Variants in BRINP3 observed in about 807,000 individuals in gnomAD.
BRINP3 encodes the protein BMP/retinoic acid-inducible neural-specific protein 3.
In BRINP3, 19 loss-of-function variants were observed where a neutral mutation model predicts 71.0. That is an observed-to-expected ratio of 0.27 (90% confidence interval 0.19 to 0.39). The LOEUF (loss-of-function observed/expected upper bound fraction) is 0.39, where lower values mean the gene tolerates loss of function less well. BRINP3 is among the 10% of genes least tolerant of loss of function. The pLI is 1.00. For missense variants in BRINP3, 959 were observed against 940.8 expected (o/e 1.02, Z -0.25); for synonymous variants, 380 against 337.7 (o/e 1.13, Z -1.37).
intron 2 of BRINP3, among the ~76,000 whole-genome samples, chr1:190,336,087 C>T (rs1419778331): frequency 3.3e-5 from 5 of 151,862 alleles, no homozygotes; most frequent in Non-Finnish European, 5.9e-5. Flanking sequence ...TTTCCCATAA[C>T]GAAATGAAAT....
intron 7 of BRINP3, among the ~76,000 whole-genome samples, chr1:190,133,962 A>G (rs1416285153): frequency 6.6e-6 from 1 of 152,100 alleles, no homozygotes; most frequent in Non-Finnish European, 1.5e-5. Flanking sequence ...TAAAAGCAAA[A>G]CAAACAAAAA....
chr1:190,129,976 C>T (rs1027327672), intron 7 of BRINP3, among the ~76,000 whole-genome samples: 1 of 151,958 alleles, frequency 6.6e-6, no homozygotes, highest in South Asian at 2.1e-4. Context: ...CATATCTCTA[C>T]GTAGTTGTGC....
chr1:190,324,596 G>C (rs1034632764), intron 2 of BRINP3, among the ~76,000 whole-genome samples: 2 of 151,862 alleles, frequency 1.3e-5, no homozygotes, highest in African/African-American at 4.8e-5. Context: ...AGTTTGGTAA[G>C]TGTTCTTCCT....
At chr1:190,106,969 T>A (rs909397136) in intron 7 of BRINP3, among the ~76,000 whole-genome samples, 2 of 151,934 alleles carry the variant, frequency 1.3e-5, no homozygotes, top group Non-Finnish European at 2.9e-5. Flanking sequence ...TTAAACCAAA[T>A]GTTTCTGGAC....
chr1:190,098,358 G>A lies in BRINP3; in HGVS notation c.1961C>T (p.Pro654Leu). The A allele has an allele frequency of 6.2e-7, 1 of 1,614,136 alleles. No individual in the cohort carries two copies. Residue 654 changes from proline to leucine, a missense_variant, in exon 8 of 8, where the codon CCT (proline) becomes CTT (leucine). Coordinates refer to ENST00000367462, the MANE Select transcript of BRINP3 (RefSeq NM_199051.3). ...TTTCATATAGCCCAGGTTCCGGGAA[G>A]GGTCAATAAACTCCAGAGGTTCATA... is the stretch of plus-strand genomic sequence containing the variant. ...IYYEPLEFID[P>L]SRNLGYMKIN...
At chr1:190,249,093 G>T (rs537558856) in intron 4 of BRINP3, among the ~76,000 whole-genome samples, 1 of 151,714 alleles carries the variant, frequency 6.6e-6, no homozygotes, top group African/African-American at 2.4e-5. Flanking sequence ...TCAACTGCAA[G>T]AATATTAGAA....
intron 6 of BRINP3, among the ~76,000 whole-genome samples, chr1:190,195,199 T>G (rs1654372102): frequency 6.6e-6 from 1 of 152,018 alleles, no homozygotes; most frequent in Admixed American, 6.6e-5. Context: ...TGATGTTGAC[T>G]TATGTATAGT....
chr1:190,192,442 CG>C (rs1558051032), intron 6 of BRINP3, among the ~76,000 whole-genome samples: 1 of 151,226 alleles, frequency 6.6e-6, no homozygotes, highest in Non-Finnish European at 1.5e-5. Context: ...AAAATGTAAT[CG>C]AAAAAATTAA....
intron 6 of BRINP3, among the ~76,000 whole-genome samples, chr1:190,161,525 A>C (rs1384415105): frequency 5.3e-5 from 8 of 152,022 alleles, no homozygotes; most frequent in Admixed American, 1.3e-4. Context: ...ACATGAGTAC[A>C]TGCTAAAAAA....
intron 1 of BRINP3, chr1:190,476,119 G>A (rs1042539800): frequency 6.6e-6 from 1 of 152,248 alleles, no homozygotes; most frequent in East Asian, 1.9e-4. Context: ...CCCGAGACGG[G>A]GGGATGGGGC....
At chr1:190,231,523 T>C (rs1253712023) in intron 5 of BRINP3, among the ~76,000 whole-genome samples, 2 of 151,824 alleles carry the variant, frequency 1.3e-5, no homozygotes, top group African/African-American at 4.8e-5. Context: ...CTACCAAAAC[T>C]TAATAAATGA....
At chr1:190,319,070 C>A (rs913493023) in intron 2 of BRINP3, among the ~76,000 whole-genome samples, 1 of 152,092 alleles carries the variant, frequency 6.6e-6, no homozygotes, top group Non-Finnish European at 1.5e-5. Flanking sequence ...AAAGCTCAGA[C>A]CTGGTTGTGC....
intron 2 of BRINP3, among the ~76,000 whole-genome samples, chr1:190,388,785 G>T (rs575127758): frequency 7.9e-5 from 12 of 151,874 alleles, no homozygotes; most frequent in African/African-American, 2.7e-4. Flanking sequence ...TTGTCAGAAT[G>T]GCTATCTTTA....
chr1:190,424,563 A>G (rs574507365), intron 2 of BRINP3, among the ~76,000 whole-genome samples: 1 of 151,812 alleles, frequency 6.6e-6, no homozygotes, highest in East Asian at 1.9e-4. Context: ...ATAACATCCC[A>G]ACTTTGCCCC....
chr1:190,099,162 C>T, intron 7 of BRINP3, 28 bp from the exon 8 acceptor site: 2 of 1,595,998 alleles, frequency 1.3e-6, no homozygotes, highest in Non-Finnish European at 1.7e-6. Context: ...AACGAATCTA[C>T]ATAAATACAA....
At chr1:190,376,011 T>C (rs1279288808) in intron 2 of BRINP3, among the ~76,000 whole-genome samples, 1 of 152,006 alleles carries the variant, frequency 6.6e-6, no homozygotes, top group Admixed American at 6.6e-5. Context: ...AAAAGTATAT[T>C]TAAAATTTAA....
intron 2 of BRINP3, among the ~76,000 whole-genome samples, chr1:190,294,269 T>G (rs966423708): frequency 1.3e-5 from 2 of 152,120 alleles, no homozygotes; most frequent in East Asian, 3.9e-4. Flanking sequence ...TACCTTTTTT[T>G]TTTTTTTGAG....
intron 2 of BRINP3, among the ~76,000 whole-genome samples, chr1:190,327,423 C>G (rs1666680691): frequency 8.6e-6 from 1 of 115,802 alleles, no homozygotes; most frequent in Non-Finnish European, 1.8e-5. Flanking sequence ...ACCCATCTCA[C>G]ACATAATAAC....
chr1:190,224,800 A>G (rs1276537537), intron 6 of BRINP3, among the ~76,000 whole-genome samples: 1 of 151,926 alleles, frequency 6.6e-6, no homozygotes, highest in Non-Finnish European at 1.5e-5. Context: ...CAAAATACTA[A>G]AAACCAAAAC....
Sources: gnomAD v4.1 joint callset for allele counts (sites outside exome capture counted in the v4.1 genomes callset) on GRCh38, gnomAD v4.1.1 for gene constraint, MANE v1.5 for transcripts, NCBI Gene and HGNC (gene_info 2026-07-23, HGNC 2026-07-21) for gene names.